Variants in UST observed in about 807,000 individuals in gnomAD.
UST encodes the protein chondroitin sulfate 2-O-sulfotransferase.
Under a neutral mutation model 45.6 loss-of-function variants are expected in UST, and 21 were observed. The observed-to-expected ratio is 0.46, with a 90% CI of 0.33 to 0.66. The LOEUF is 0.66. UST is among the 30% of genes least tolerant of loss of function. The pLI, the probability that UST is intolerant of heterozygous loss-of-function variation, is 0.02. For synonymous variants in UST, 215 were observed against 200.6 expected (o/e 1.07, Z -0.61); for missense variants, 463 against 512.4 (o/e 0.90, Z 0.93).
At position 148,856,682 on chromosome 6, in the gene UST, G is replaced by A. The variant is rs187152776; in HGVS notation, c.248-30304G>A. On this transcript the variant is annotated intron_variant, in intron 1 of 7. Coordinates refer to ENST00000367463, the MANE Select transcript of UST (RefSeq NM_005715.3). ...ATCTGGGTAAATCACGTGTTTATGC[G>A]TGAGTTATTTGCCTTGGTCAGGAAG... Among the ~76,000 whole-genome samples the A allele has an allele frequency of 3.7e-3, 563 of 152,284 alleles. 3 individuals carry two copies. The highest frequency in any genetic ancestry group is 0.012 in the Admixed American group (179 of 15,290).
At chr6:149,005,214 C>A in intron 5 of UST, 1 of 847,634 alleles carries the variant, frequency 1.2e-6, no homozygotes, top group Non-Finnish European at 1.4e-6. Flanking sequence ...TGGAGCCCTG[C>A]CCATCCAGCA....
chr6:148,896,662 CA>C (rs200914036), intron 2 of UST, among the ~76,000 whole-genome samples: 7 of 151,730 alleles, frequency 4.6e-5, no homozygotes, highest in Admixed American at 6.6e-5. Flanking sequence ...ATTCCAAACA[CA>C]AAAAAAATGA....
intron 1 of UST, among the ~76,000 whole-genome samples, chr6:148,850,381 A>G (rs964698520): frequency 6.6e-6 from 1 of 152,186 alleles, no homozygotes; most frequent in African/African-American, 2.4e-5. Flanking sequence ...CCCTTCTGAC[A>G]CTAAAGAAGC....
chr6:148,957,974 T>C (rs1030935823), intron 4 of UST, among the ~76,000 whole-genome samples: 3 of 152,160 alleles, frequency 2.0e-5, no homozygotes, highest in Non-Finnish European at 4.4e-5. Flanking sequence ...AAGCAGACTG[T>C]AAGGATGAAA....
At chr6:148,868,509 C>G (rs573625543) in intron 1 of UST, among the ~76,000 whole-genome samples, 42 of 152,244 alleles carry the variant, frequency 2.8e-4, no homozygotes, top group African/African-American at 1.0e-3. Flanking sequence ...GATTTATGAG[C>G]AATTCAAAAC....
intron 2 of UST, among the ~76,000 whole-genome samples, chr6:148,923,273 G>A (rs1779750678): frequency 6.6e-6 from 1 of 152,312 alleles, no homozygotes; most frequent in East Asian, 1.9e-4. Context: ...AGACTTTGGG[G>A]ACATATCTTG....
At chr6:148,901,469 A>G (rs1033285147) in intron 2 of UST, among the ~76,000 whole-genome samples, 3 of 151,884 alleles carry the variant, frequency 2.0e-5, no homozygotes, top group Admixed American at 6.6e-5. Flanking sequence ...AGGACCTCCA[A>G]TGTTACTGTG....
intron 7 of UST, among the ~76,000 whole-genome samples, chr6:149,055,960 CTCTTCTCTGTT>C (rs1776556406): frequency 7.2e-6 from 1 of 139,478 alleles, no homozygotes; most frequent in African/African-American, 2.9e-5. Context: ...CATGTCAGTG[CTCTTCTCTGTT>C]TCTTCTCTCA....
intron 1 of UST, among the ~76,000 whole-genome samples, chr6:148,786,836 G>A (rs1317917023): frequency 6.6e-6 from 1 of 152,102 alleles, no homozygotes; most frequent in East Asian, 1.9e-4. Flanking sequence ...AACCAACAGT[G>A]TAAAAACATT....
At chr6:148,765,150 G>C (rs943434777) in intron 1 of UST, among the ~76,000 whole-genome samples, 1 of 152,150 alleles carries the variant, frequency 6.6e-6, no homozygotes, top group Non-Finnish European at 1.5e-5. Context: ...CTGTTATCCT[G>C]TTCTTAAGGT....
At chr6:148,796,067 G>C (rs1173199474) in intron 1 of UST, among the ~76,000 whole-genome samples, 1 of 152,152 alleles carries the variant, frequency 6.6e-6, no homozygotes, top group Non-Finnish European at 1.5e-5. Flanking sequence ...AATTCCCATT[G>C]AGATGCATGG....
chr6:148,849,793 G>T (rs968435829), intron 1 of UST, among the ~76,000 whole-genome samples: 1 of 152,136 alleles, frequency 6.6e-6, no homozygotes, highest in Non-Finnish European at 1.5e-5. Flanking sequence ...CCCTTGACAC[G>T]TGGGGATTAT....
At chr6:148,851,969 A>G (rs544369386) in intron 1 of UST, among the ~76,000 whole-genome samples, 129 of 152,354 alleles carry the variant, frequency 8.5e-4, no homozygotes, top group African/African-American at 2.9e-3. Context: ...TGGCTGGGAA[A>G]GGTTTCAAAC....
At position 148,867,750 on chromosome 6, in the gene UST, C is replaced by T. The variant is rs961492647; in HGVS notation, c.248-19236C>T. 2.0e-5 allele frequency among the ~76,000 whole-genome samples: 3 copies of T among 152,254 alleles called. No homozygotes were observed. The East Asian group carries it at 5.8e-4, about 29-fold the overall frequency. On this transcript the variant is annotated intron_variant, in intron 1 of 7. Coordinates refer to ENST00000367463, the MANE Select transcript of UST (RefSeq NM_005715.3). Reference sequence around the variant, plus strand: ...ACGTGGAACTGTGAGTCTATTAAACCTCTTTTTCTTTATAAATTATCCAGT... The same window carrying T: ...ACGTGGAACTGTGAGTCTATTAAACTTCTTTTTCTTTATAAATTATCCAGT...
chr6:148,849,785 C>T (rs575591358), intron 1 of UST, among the ~76,000 whole-genome samples: 138 of 152,258 alleles, frequency 9.1e-4, no homozygotes, highest in African/African-American at 3.2e-3. Flanking sequence ...TCGTCCTGCC[C>T]TTGACACGTG....
chr6:148,941,538 C>T (rs1203343557), intron 3 of UST, 104 bp downstream of exon 3: 6 of 1,302,578 alleles, frequency 4.6e-6, no homozygotes, highest in Middle Eastern at 2.5e-4. Flanking sequence ...TGAGTGAATA[C>T]CAGAGTTTTG....
At chr6:148,840,578 C>T (rs773185909) in intron 1 of UST, among the ~76,000 whole-genome samples, 1 of 152,138 alleles carries the variant, frequency 6.6e-6, no homozygotes, top group Admixed American at 6.5e-5. Flanking sequence ...ACTTAAGTCC[C>T]ACAGTGGACT....
intron 7 of UST, among the ~76,000 whole-genome samples, chr6:149,050,129 A>G (rs1354452348): frequency 6.6e-6 from 1 of 152,198 alleles, no homozygotes; most frequent in Non-Finnish European, 1.5e-5. Flanking sequence ...TTGGCTTTCC[A>G]GGCCTGAATG....
Position 148,823,495 on chromosome 6 carries a change from A to G in UST, c.248-63491A>G, listed in dbSNP as rs184793039. 1.4e-4 allele frequency among the ~76,000 whole-genome samples: 21 copies of G among 152,314 alleles called. No homozygotes were observed. In the East Asian group the frequency reaches 2.7e-3, roughly 20 times the overall value. On this transcript the variant is annotated intron_variant, in intron 1 of 7. Transcript: ENST00000367463. Reference sequence around the variant, plus strand: ...CAGAGGAACTGTACATTTTTGTGATAAGCATAATTTAGAGGAGAATTATAT... The same window carrying G: ...CAGAGGAACTGTACATTTTTGTGATGAGCATAATTTAGAGGAGAATTATAT...
Sources: allele counts gnomAD v4.1 joint callset (sites outside exome capture counted in the v4.1 genomes callset), GRCh38; gene constraint gnomAD v4.1.1; transcripts MANE v1.5; gene names NCBI Gene and HGNC (gene_info 2026-07-23, HGNC 2026-07-21).